Variants in NAALADL2 observed in about 807,000 individuals in gnomAD.
NAALADL2 encodes the protein N-acetylated alpha-linked acidic dipeptidase like 2.
Under a neutral mutation model 87.2 loss-of-function variants are expected in NAALADL2, and 76 were observed. That is an observed-to-expected ratio of 0.87 (90% CI 0.72 to 1.05). The LOEUF is 1.05. Among genes scored for constraint, NAALADL2 ranks in the 50% least tolerant of loss-of-function variants. The pLI, the probability that NAALADL2 is intolerant of heterozygous loss-of-function variation, is 0.00. For missense variants in NAALADL2, 1,089 were observed against 945.8 expected (o/e 1.15, Z -1.99); for synonymous variants, 354 against 331.0 (o/e 1.07, Z -0.75).
At chr3:175,511,935 A>G (rs1203236670) in intron 9 of NAALADL2, among the ~76,000 whole-genome samples, 1 of 152,160 alleles carries the variant, frequency 6.6e-6, no homozygotes, top group African/African-American at 2.4e-5. Context: ...CCTGTCTACT[A>G]ATTGGCTTAA....
At chr3:175,184,019 C>T (rs997395) in intron 2 of NAALADL2, among the ~76,000 whole-genome samples, 4,483 of 152,136 alleles carry the variant, frequency 0.029, 206 homozygotes, top group African/African-American at 0.1. Context: ...CTTCACACTA[C>T]GTTGCCATCA....
At chr3:175,748,555 G>A (rs193090064) in intron 12 of NAALADL2, among the ~76,000 whole-genome samples, 1 of 151,978 alleles carries the variant, frequency 6.6e-6, no homozygotes, top group African/African-American at 2.4e-5. Flanking sequence ...TTAAAACTGT[G>A]GTAAGCTCAT....
At chr3:175,714,648 G>A (rs1326807239) in intron 11 of NAALADL2, among the ~76,000 whole-genome samples, 1 of 152,098 alleles carries the variant, frequency 6.6e-6, no homozygotes, top group Non-Finnish European at 1.5e-5. Flanking sequence ...CAGATGAGTA[G>A]ATTGCAAAAA....
intron 1 of NAALADL2, among the ~76,000 whole-genome samples, chr3:174,519,998 A>G (rs1459425872): frequency 6.6e-6 from 1 of 152,202 alleles, no homozygotes; most frequent in Non-Finnish European, 1.5e-5. Context: ...CTAGGAATAC[A>G]TTTATCCAAG....
At chr3:174,690,022 A>T (rs576581532) in intron 2 of NAALADL2, among the ~76,000 whole-genome samples, 3 of 152,234 alleles carry the variant, frequency 2.0e-5, no homozygotes, top group Non-Finnish European at 4.4e-5. Context: ...ATTTATTTAG[A>T]TAACTAAGTC....
intron 2 of NAALADL2, among the ~76,000 whole-genome samples, chr3:175,196,365 C>T (rs932120939): frequency 4.0e-5 from 6 of 151,844 alleles, no homozygotes; most frequent in Non-Finnish European, 7.4e-5. Context: ...CCATATGGGG[C>T]ACTTTCATCC....
At chr3:174,752,577 G>A (rs1578789254) in intron 3 of NAALADL2, among the ~76,000 whole-genome samples, 1 of 151,016 alleles carries the variant, frequency 6.6e-6, no homozygotes. Context: ...AAAAAAAATA[G>A]GCCAGTGATT....
At chr3:175,256,611 GAGTGTGTGTGTGCATAT>G in intron 4 of NAALADL2, 81 bp downstream of exon 4, 1 of 1,393,968 alleles carries the variant, frequency 7.2e-7, no homozygotes, top group South Asian at 1.4e-5. Context: ...TGTGAGTGTG[GAGTGTGTGTGTGCATAT>G]AGGTGTGTGA....
chr3:174,515,834 C>T (rs567482306), intron 1 of NAALADL2, among the ~76,000 whole-genome samples: 1 of 151,702 alleles, frequency 6.6e-6, no homozygotes, highest in Non-Finnish European at 1.5e-5. Flanking sequence ...AATACAGTGC[C>T]TAGAAAAAGG....
intron 3 of NAALADL2, among the ~76,000 whole-genome samples, chr3:174,821,486 A>G (rs533896673): frequency 1.7e-4 from 26 of 152,292 alleles, no homozygotes; most frequent in Non-Finnish European, 2.8e-4. Context: ...TATTATATAT[A>G]TTGTTTTAAA....
intron 1 of NAALADL2, among the ~76,000 whole-genome samples, chr3:174,930,549 A>G (rs1272794195): frequency 6.6e-6 from 1 of 151,518 alleles, no homozygotes; most frequent in African/African-American, 2.4e-5. Context: ...ATAGCTTTGG[A>G]AAAGTATAAT....
chr3:175,717,530 A>G (rs972201795), intron 11 of NAALADL2, among the ~76,000 whole-genome samples: 1 of 151,962 alleles, frequency 6.6e-6, no homozygotes, highest in Non-Finnish European at 1.5e-5. Context: ...TGTCTATACA[A>G]AAATCACAAG....
At chr3:175,045,469 T>A (rs1754556815) in intron 1 of NAALADL2, among the ~76,000 whole-genome samples, 1 of 152,144 alleles carries the variant, frequency 6.6e-6, no homozygotes, top group Non-Finnish European at 1.5e-5. Context: ...ACTAGTTTGG[T>A]ATTTATTACT....
chr3:174,713,365 T>C (rs201362281), intron 2 of NAALADL2, among the ~76,000 whole-genome samples: 20 of 152,198 alleles, frequency 1.3e-4, no homozygotes, highest in Non-Finnish European at 1.8e-4. Context: ...TCTAGATCCC[T>C]GAGGAATCGC....
At chr3:174,649,696 A>G (rs1724159971) in intron 2 of NAALADL2, among the ~76,000 whole-genome samples, 1 of 152,158 alleles carries the variant, frequency 6.6e-6, no homozygotes, top group Non-Finnish European at 1.5e-5. Flanking sequence ...AAAGAAATAT[A>G]TCATCCCCAA....
chr3:174,770,318 G>A (rs951626677), intron 3 of NAALADL2, among the ~76,000 whole-genome samples: 1 of 152,164 alleles, frequency 6.6e-6, no homozygotes, highest in African/African-American at 2.4e-5. Context: ...ATTTTTATCA[G>A]AGTAAACAAA....
At chr3:175,440,952 T>A (rs1420303563) in intron 5 of NAALADL2, among the ~76,000 whole-genome samples, 1 of 152,194 alleles carries the variant, frequency 6.6e-6, no homozygotes, top group Admixed American at 6.6e-5. Context: ...AAATAGCTTA[T>A]AAAGAGACAT....
chr3:175,251,332 A>T (rs1429959977), intron 3 of NAALADL2, among the ~76,000 whole-genome samples: 1 of 152,224 alleles, frequency 6.6e-6, no homozygotes, highest in East Asian at 1.9e-4. Flanking sequence ...CTGAATTAAA[A>T]ATTAACATGT....
intron 3 of NAALADL2, among the ~76,000 whole-genome samples, chr3:174,797,835 TC>T (rs1261648148): frequency 6.6e-6 from 1 of 152,210 alleles, no homozygotes; most frequent in Non-Finnish European, 1.5e-5. Context: ...TTCATTTTTT[TC>T]ATGTATTATT....
Sources: allele counts gnomAD v4.1 joint callset (sites outside exome capture counted in the v4.1 genomes callset), GRCh38; gene constraint gnomAD v4.1.1; transcripts MANE v1.5; gene names NCBI Gene and HGNC (gene_info 2026-07-23, HGNC 2026-07-21).